CCNE2: variants seen among roughly 807,000 people sequenced by gnomAD.
CCNE2 encodes the protein cyclin E2.
Under a neutral mutation model 56.8 loss-of-function variants are expected in CCNE2, and 18 were observed. The observed-to-expected ratio is 0.32, with a 90% CI of 0.22 to 0.47. The LOEUF (loss-of-function observed/expected upper bound fraction) is 0.47, where lower values mean the gene tolerates loss of function less well. CCNE2 is among the 20% of genes least tolerant of loss of function. The pLI is 1.00. For missense variants in CCNE2, 371 were observed against 467.1 expected (o/e 0.79, Z 1.90); for synonymous variants, 139 against 149.2 (o/e 0.93, Z 0.50).
At chr8:94,894,663 G>C (rs1372620176) in intron 1 of CCNE2, 3 of 161,208 alleles carry the variant, frequency 1.9e-5, no homozygotes, top group Non-Finnish European at 4.0e-5. Context: ...GGAGAAGCCG[G>C]TTCCGCGCCA....
chr8:94,885,281 G>A, intron 8 of CCNE2, 80 bp from the exon 9 acceptor site: 1 of 1,336,408 alleles, frequency 7.5e-7, no homozygotes, highest in Non-Finnish European at 1.1e-6. Context: ...TAGAGGTTAA[G>A]TACATTCCCC....
intron 6 of CCNE2, among the ~76,000 whole-genome samples, chr8:94,889,958 G>A (rs1006784731): frequency 5.3e-5 from 8 of 152,154 alleles, no homozygotes; most frequent in Admixed American, 2.0e-4. Context: ...AATAGAGGGC[G>A]TAGAGCTTCC....
Position 94,888,082 on chromosome 8 carries a change from G to T in CCNE2, c.454-9C>A, listed in dbSNP as rs1380589795. ...GTGTATACTTCACATACCTAGAGAA[G>T]AATCCAAACATTTAAATATTATCTT... On this transcript the variant is annotated splice_polypyrimidine_tract_variant and intron_variant, in intron 6 of 11. Coordinates refer to ENST00000308108, the MANE Select transcript of CCNE2 (RefSeq NM_057749.3). The T allele has an allele frequency of 2.0e-6, 3 of 1,515,968 alleles. No homozygotes were observed. Among genetic ancestry groups the T allele is most frequent in the South Asian group, 1.3e-5 (1 of 78,106 alleles). 93.9% of individuals were successfully genotyped at this position (1,515,968 alleles called of 1,614,324 possible). A position where few individuals can be genotyped will look rare whatever the true frequency, so the allele number is the denominator to read the frequency against.
chr8:94,892,569 T>G (rs538453147), intron 5 of CCNE2, among the ~76,000 whole-genome samples: 1 of 152,320 alleles, frequency 6.6e-6, no homozygotes, highest in African/African-American at 2.4e-5. Flanking sequence ...AACAAAAAAC[T>G]AATTCAGTCC....
rs1275730020 is a variant in CCNE2, at chr8:94,881,519, A to C, written c.*113T>G. ...AATCAGAATGGCAGTGTAACTTGTG[A>C]ATTGGCTAGGGCAATCAATCACAGC... is the stretch of plus-strand genomic sequence containing the variant. On this transcript the variant is annotated 3_prime_UTR_variant, in exon 12 of 12. Coordinates refer to ENST00000308108, the MANE Select transcript of CCNE2 (RefSeq NM_057749.3). 6 of 979,166 alleles carry C rather than the reference A, an allele frequency of 6.1e-6. No homozygotes were observed. The highest frequency in any genetic ancestry group is 9.0e-6 in the Non-Finnish European group (6 of 668,502). 60.7% of individuals were successfully genotyped at this position (979,166 alleles called of 1,614,324 possible). A position where few individuals can be genotyped will look rare whatever the true frequency, so the allele number is the denominator to read the frequency against.
chr8:94,881,448 T>A lies in CCNE2; in HGVS notation c.*184A>T. ...CCTGCTGTTTCTTTAACAGCTAACA[T>A]AGGAAATAATTAAATGTATTCTTTA... is the stretch of plus-strand genomic sequence containing the variant. On this transcript the variant is annotated 3_prime_UTR_variant, in exon 12 of 12. Coordinates refer to ENST00000308108, the MANE Select transcript of CCNE2 (RefSeq NM_057749.3). 1.7e-6 allele frequency: 1 copy of A among 588,830 alleles called. No homozygotes were observed. The highest frequency in any genetic ancestry group is 2.9e-6 in the Non-Finnish European group (1 of 341,866). The allele number at this position is 588,830 out of a possible 1,614,324, so 36.5% of individuals were successfully genotyped here.
chr8:94,880,897 C>G lies in CCNE2; in HGVS notation c.*735G>C, dbSNP rs1816784376. The G allele has an allele frequency of 5.0e-6, 2 of 398,758 alleles. No homozygotes were observed. 24.7% of individuals were successfully genotyped at this position (398,758 alleles called of 1,614,324 possible). A position where few individuals can be genotyped will look rare whatever the true frequency, so the allele number is the denominator to read the frequency against. On this transcript the variant is annotated 3_prime_UTR_variant, in exon 12 of 12. Transcript: ENST00000308108. Reference sequence around the variant, plus strand: ...GGTTATTACCAAGCAACCTACATGTCAAGAAAGCCCCAGTTAGGAAGGAGC... The same window carrying G: ...GGTTATTACCAAGCAACCTACATGTGAAGAAAGCCCCAGTTAGGAAGGAGC...
chr8:94,889,648 CAA>C (rs1817158860), intron 6 of CCNE2, among the ~76,000 whole-genome samples: 1 of 152,288 alleles, frequency 6.6e-6, no homozygotes, highest in East Asian at 1.9e-4. Flanking sequence ...GTTCCTCCTC[CAA>C]AAAGTCTATG....
chr8:94,893,749 G>C, intron 4 of CCNE2, 142 bp downstream of exon 4: 1 of 807,678 alleles, frequency 1.2e-6, no homozygotes, highest in Non-Finnish European at 2.0e-6. Flanking sequence ...CCCAAAGATA[G>C]GCGCCTTCCT....
intron 5 of CCNE2, chr8:94,892,095 G>A: frequency 1.6e-6 from 1 of 644,712 alleles, no homozygotes; most frequent in South Asian, 1.4e-5. Flanking sequence ...AAAAACTTAT[G>A]GCACAGGAGT....
intron 1 of CCNE2, 194 bp from the exon 2 acceptor site, chr8:94,894,441 A>G: frequency 1.7e-6 from 1 of 587,608 alleles, no homozygotes; most frequent in Non-Finnish European, 3.0e-6. Flanking sequence ...CATTTCCTCA[A>G]CTGAATGTAC....
chr8:94,889,733 G>A (rs560045699), intron 6 of CCNE2, among the ~76,000 whole-genome samples: 2 of 152,066 alleles, frequency 1.3e-5, no homozygotes, highest in African/African-American at 2.4e-5. Context: ...AGAGTTGGAG[G>A]AAAAATCAGT....
chr8:94,883,145 A>G (rs1170096585), intron 9 of CCNE2, among the ~76,000 whole-genome samples: 2 of 152,078 alleles, frequency 1.3e-5, no homozygotes, highest in African/African-American at 2.4e-5. Context: ...GCTTGGTGGC[A>G]CGCGCCTGTA....
At chr8:94,890,631 G>A (rs551585085) in intron 5 of CCNE2, 81 bp from the exon 6 acceptor site, 2 of 378,276 alleles carry the variant, frequency 5.3e-6, no homozygotes, top group Non-Finnish European at 7.7e-6. Flanking sequence ...CTCGCTCTGT[G>A]GCCCAGGCTA....
In CCNE2 at chr8:94,884,844, T is replaced by C. The variant is rs181920535; in HGVS notation, c.831+223A>G. The C allele has an allele frequency of 4.0e-5, 16 of 402,050 alleles. No homozygotes were observed. In the East Asian group the frequency reaches 6.3e-4, roughly 16 times the overall value. 24.9% of individuals were successfully genotyped at this position (402,050 alleles called of 1,614,324 possible). On this transcript the variant is annotated intron_variant, in intron 9 of 11. Coordinates refer to ENST00000308108, the MANE Select transcript of CCNE2 (RefSeq NM_057749.3). ...CAAAAAGAGATACTTTAGTTTGGAC[T>C]CCTAAAGAATGAAAGTACTCAGAAA... is the stretch of plus-strand genomic sequence containing the variant.
At chr8:94,892,192 G>A in intron 5 of CCNE2, 1 of 424,616 alleles carries the variant, frequency 2.4e-6, no homozygotes, top group Non-Finnish European at 4.5e-6. Context: ...CATAAGGCAT[G>A]TGATCACAGT....
intron 5 of CCNE2, chr8:94,891,737 AT>A: frequency 1.1e-6 from 1 of 894,126 alleles, no homozygotes; most frequent in Non-Finnish European, 1.8e-6. Context: ...CCATTCTGAC[AT>A]TACAATGGTG....
intron 8 of CCNE2, 97 bp downstream of exon 8, chr8:94,885,365 CT>C (rs1816996363): frequency 9.5e-6 from 10 of 1,054,584 alleles, no homozygotes; most frequent in Non-Finnish European, 1.4e-5. Context: ...TCAGTTTTGA[CT>C]TTTTACATTG....
Position 94,892,373 on chromosome 8 carries a change from A to G in CCNE2, c.317+445T>C, listed in dbSNP as rs1305961311. 3.3e-5 allele frequency among the ~76,000 whole-genome samples: 5 copies of G among 152,352 alleles called. 1 individual carries two copies. In the East Asian group the frequency reaches 7.7e-4, roughly 23 times the overall value. On this transcript the variant is annotated intron_variant, in intron 5 of 11. Coordinates refer to ENST00000308108, the MANE Select transcript of CCNE2 (RefSeq NM_057749.3). ...AATTAATACAGTACATGTTTTGTAT[A>G]AGCTGTACCTCTTAGTTACACTCAT...
Sources: allele counts gnomAD v4.1 joint callset (sites outside exome capture counted in the v4.1 genomes callset), GRCh38; gene constraint gnomAD v4.1.1; transcripts MANE v1.5; gene names NCBI Gene and HGNC (gene_info 2026-07-23, HGNC 2026-07-21).